Variants in CTNND2 observed in about 807,000 individuals in gnomAD.
The protein encoded by CTNND2 is catenin delta-2.
A neutral mutation model predicts 144.4 loss-of-function variants in CTNND2; 22 were observed. The ratio of observed to expected loss-of-function variants is 0.15; its 90% CI spans 0.11 to 0.22. CTNND2 has a LOEUF of 0.22. Ranked by LOEUF, CTNND2 falls within the 10% of genes least tolerant of loss-of-function variation. The pLI is 1.00. For missense variants in CTNND2, 1,353 were observed against 1,618.8 expected (o/e 0.84, Z 2.82); for synonymous variants, 751 against 695.6 (o/e 1.08, Z -1.25).
At chr5:11,600,493 G>A (rs1779729614) in intron 2 of CTNND2, among the ~76,000 whole-genome samples, 1 of 151,966 alleles carries the variant, frequency 6.6e-6, no homozygotes, top group Non-Finnish European at 1.5e-5. Context: ...ACCACTTGAA[G>A]TCAGGAGTTC....
At chr5:11,600,783 C>A (rs1235910051) in intron 2 of CTNND2, among the ~76,000 whole-genome samples, 1 of 149,928 alleles carries the variant, frequency 6.7e-6, no homozygotes, top group Non-Finnish European at 1.5e-5. Flanking sequence ...CACTCCCAGA[C>A]AACGATGTTA....
At chr5:11,016,817 CTACAGTCCAG>C (rs1561175921) in intron 18 of CTNND2, among the ~76,000 whole-genome samples, 1 of 152,078 alleles carries the variant, frequency 6.6e-6, no homozygotes, top group Non-Finnish European at 1.5e-5. Flanking sequence ...GTTGCCCAGG[CTACAGTCCAG>C]TAGTGCGATC....
rs746081797 is a variant in CTNND2 at position 11,660,012 on chromosome 5, A to G, written c.174+72124T>C. Among the ~76,000 whole-genome samples, 4 of 152,260 alleles carry G rather than the reference A, an allele frequency of 2.6e-5. No individual in the cohort carries two copies. The South Asian group carries it at 8.3e-4, about 32-fold the overall frequency. On this transcript the variant is annotated intron_variant, in intron 2 of 21. Coordinates refer to ENST00000304623, the MANE Select transcript of CTNND2 (RefSeq NM_001332.4). ...TGAAGTAGTGAGAAGACAGGATGAAATCAGATTTTGAACTTCTTTAGCTGT... is the reference window on the plus strand; with the variant it reads ...TGAAGTAGTGAGAAGACAGGATGAAGTCAGATTTTGAACTTCTTTAGCTGT...
chr5:11,255,905 T>C (rs954144281), intron 9 of CTNND2, among the ~76,000 whole-genome samples: 13 of 152,170 alleles, frequency 8.5e-5, no homozygotes, highest in African/African-American at 3.1e-4. Context: ...CTCCATTTTA[T>C]CCTGCACAAC....
chr5:11,383,042 C>T (rs1476804522), intron 7 of CTNND2, among the ~76,000 whole-genome samples: 1 of 152,174 alleles, frequency 6.6e-6, no homozygotes, highest in Non-Finnish European at 1.5e-5. Context: ...CCCCTAACCT[C>T]TCCACAGGTA....
intron 16 of CTNND2, among the ~76,000 whole-genome samples, chr5:11,024,431 T>C (rs1742611328): frequency 1.3e-5 from 2 of 152,348 alleles, no homozygotes; most frequent in East Asian, 3.9e-4. Context: ...AAATCAGCCT[T>C]AACTCTGGTT....
chr5:11,078,182 A>T (rs1385739777), intron 16 of CTNND2, among the ~76,000 whole-genome samples: 1 of 152,236 alleles, frequency 6.6e-6, no homozygotes, highest in African/African-American at 2.4e-5. Flanking sequence ...AGGAGGTCCA[A>T]GATTAACCTT....
intron 16 of CTNND2, among the ~76,000 whole-genome samples, chr5:11,042,616 G>C (rs1308741815): frequency 1.3e-5 from 2 of 152,214 alleles, no homozygotes; most frequent in East Asian, 3.8e-4. Flanking sequence ...GCCAAGCCAA[G>C]TGCTGGTTTC....
intron 9 of CTNND2, among the ~76,000 whole-genome samples, chr5:11,237,754 C>T (rs1367528420): frequency 5.9e-5 from 9 of 152,110 alleles, no homozygotes; most frequent in Admixed American, 5.9e-4. Flanking sequence ...AATTATCAGA[C>T]AAGAGAAAAC....
chr5:11,196,980 T>A (rs555784946), intron 11 of CTNND2, among the ~76,000 whole-genome samples: 5 of 152,240 alleles, frequency 3.3e-5, no homozygotes, highest in Admixed American at 6.5e-5. Flanking sequence ...TGTGCAGATG[T>A]CAGCTGAGTC....
intron 6 of CTNND2, 95 bp downstream of exon 6, chr5:11,396,936 C>G: frequency 7.9e-7 from 1 of 1,261,216 alleles, no homozygotes; most frequent in Non-Finnish European, 1.1e-6. Flanking sequence ...ACAAAAAAGG[C>G]AGGCTGGATC....
At chr5:11,518,828 T>G (rs1258393796) in intron 3 of CTNND2, among the ~76,000 whole-genome samples, 1 of 152,146 alleles carries the variant, frequency 6.6e-6, no homozygotes, top group African/African-American at 2.4e-5. Context: ...TCTGTGTAGG[T>G]ACACTCTACG....
intron 9 of CTNND2, among the ~76,000 whole-genome samples, chr5:11,277,657 G>A (rs988745829): frequency 4.0e-5 from 6 of 151,684 alleles, no homozygotes; most frequent in African/African-American, 9.7e-5. Context: ...TCAGCCTCCC[G>A]AGCAGCTGGA....
chr5:11,616,164 C>T (rs1485346852), intron 2 of CTNND2, among the ~76,000 whole-genome samples: 5 of 152,156 alleles, frequency 3.3e-5, no homozygotes, highest in Non-Finnish European at 5.9e-5. Context: ...GCTGAGACAG[C>T]TTTTCTTTCC....
In CTNND2 at chr5:11,732,199, G is replaced by A. The variant is rs1481788011; in HGVS notation, c.111C>T (p.Thr37=). 1.9e-6 allele frequency: 3 copies of A among 1,614,046 alleles called. No homozygotes were observed. Among genetic ancestry groups the A allele is most frequent in the East Asian group, 4.5e-5 (2 of 44,872 alleles). ...CTGTTTCAGAGCCATCCCCGTTGGA[G>A]GTGTTTAAGCCGGGGCTCAGGGAAC... ...KTSSLSPGLN[T]SNGDGSETET... The change falls in exon 2 of 22, where the codon ACC becomes ACT. Residue 37 remains threonine (T), a synonymous_variant. Coordinates refer to ENST00000304623, the MANE Select transcript of CTNND2 (RefSeq NM_001332.4).
At chr5:11,400,302 G>T (rs1049214140) in intron 5 of CTNND2, among the ~76,000 whole-genome samples, 1 of 152,144 alleles carries the variant, frequency 6.6e-6, no homozygotes, top group African/African-American at 2.4e-5. Context: ...ACAGGCTATT[G>T]TCTTTAATGT....
chr5:11,105,825 T>C (rs776016437), intron 14 of CTNND2, among the ~76,000 whole-genome samples: 1 of 152,194 alleles, frequency 6.6e-6, no homozygotes. Flanking sequence ...TGAAATATCA[T>C]GCCTTGAGTC....
intron 18 of CTNND2, among the ~76,000 whole-genome samples, chr5:10,995,834 C>T (rs1234634618): frequency 6.6e-6 from 1 of 152,072 alleles, no homozygotes; most frequent in Non-Finnish European, 1.5e-5. Context: ...GGGGAAGAGA[C>T]TGGTAGATGG....
intron 9 of CTNND2, among the ~76,000 whole-genome samples, chr5:11,280,974 G>T (rs1191135468): frequency 2.6e-5 from 4 of 152,064 alleles, no homozygotes. Flanking sequence ...CCTCATTTCA[G>T]ATCAAGGTGG....
Sources: allele counts gnomAD v4.1 joint callset (sites outside exome capture counted in the v4.1 genomes callset), GRCh38; gene constraint gnomAD v4.1.1; transcripts MANE v1.5; gene names NCBI Gene and HGNC (gene_info 2026-07-23, HGNC 2026-07-21).